SLC26A5: variants seen among roughly 807,000 people sequenced by gnomAD.
The protein encoded by SLC26A5 is prestin.
SLC26A5 carries 51 observed loss-of-function variants against 81.0 expected under a neutral mutation model. That is an observed-to-expected ratio of 0.63 (90% CI 0.50 to 0.80). The LOEUF is 0.80. Among genes scored for constraint, SLC26A5 ranks in the 30% least tolerant of loss-of-function variants. The probability of loss-of-function intolerance (pLI) is 0.00; values close to 1 mark genes in which losing one functional copy is unlikely to be tolerated. For missense variants in SLC26A5, 771 were observed against 905.8 expected (o/e 0.85, Z 1.91); for synonymous variants, 325 against 332.8 (o/e 0.98, Z 0.25).
At chr7:103,380,408 T>C (rs766009928) in intron 15 of SLC26A5, 72 bp downstream of exon 15, 15 of 1,288,938 alleles carry the variant, frequency 1.2e-5, no homozygotes, top group Non-Finnish European at 1.6e-5. Flanking sequence ...CTTTTTATCC[T>C]GGGTAAAAAC....
chr7:103,390,244 A>G (rs956879736), intron 12 of SLC26A5, among the ~76,000 whole-genome samples, 185 bp downstream of exon 12: 1 of 152,210 alleles, frequency 6.6e-6, no homozygotes, highest in African/African-American at 2.4e-5. Flanking sequence ...GGCTTTCCCC[A>G]GGTCCTGCAG....
rs1311312413 is a variant in SLC26A5 at position 103,380,558 on chromosome 7, A to T, written c.1515-9T>A. ...GGACTTTGTAGCTTGGACTGAAGAT[A>T]AAGAGTGTTAAATACCATTGTGTTG... is the stretch of plus-strand genomic sequence containing the variant. On this transcript the variant is annotated splice_polypyrimidine_tract_variant and intron_variant, in intron 14 of 19. Coordinates refer to ENST00000306312, the MANE Select transcript of SLC26A5 (RefSeq NM_198999.3). 6.2e-7 allele frequency: 1 copy of T among 1,611,540 alleles called. No individual in the cohort carries two copies. The highest frequency in any genetic ancestry group is 1.1e-5 in the South Asian group (1 of 91,020).
chr7:103,427,921 T>C (rs1825815477), intron 2 of SLC26A5, among the ~76,000 whole-genome samples: 1 of 151,692 alleles, frequency 6.6e-6, no homozygotes, highest in Admixed American at 6.6e-5. Context: ...GGTGCGATCT[T>C]GGCTCACTGC....
downstream of SLC26A5, among the ~76,000 whole-genome samples, chr7:103,372,153 G>A (rs969585487): frequency 1.8e-4 from 27 of 152,170 alleles, no homozygotes; most frequent in African/African-American, 2.4e-4. Context: ...ATCTGATCTC[G>A]TGATGATTGC....
At chr7:103,415,866 C>G (rs1824863760) in intron 4 of SLC26A5, among the ~76,000 whole-genome samples, 1 of 152,074 alleles carries the variant, frequency 6.6e-6, no homozygotes, top group Non-Finnish European at 1.5e-5. Context: ...ACTCTTTGAT[C>G]ATTTCTTCCT....
intron 3 of SLC26A5, 70 bp from the exon 4 acceptor site, chr7:103,420,947 C>A: frequency 3.3e-6 from 5 of 1,507,070 alleles, no homozygotes; most frequent in Non-Finnish European, 4.6e-6. Context: ...CAAACCAAAG[C>A]ATTTTCCCTT....
chr7:103,422,059 T>G (rs891207058), intron 2 of SLC26A5, among the ~76,000 whole-genome samples: 1 of 152,234 alleles, frequency 6.6e-6, no homozygotes, highest in Non-Finnish European at 1.5e-5. Flanking sequence ...TTGAGGCAAG[T>G]TGCTGGTGAC....
chr7:103,389,297 A>G, intron 13 of SLC26A5, 32 bp downstream of exon 13: 3 of 1,453,346 alleles, frequency 2.1e-6, no homozygotes, highest in Non-Finnish European at 2.9e-6. Context: ...GCTCTATGAC[A>G]TATTAACAGA....
chr7:103,375,697 G>A (rs12540291), intron 19 of SLC26A5, among the ~76,000 whole-genome samples: 10,106 of 152,104 alleles, frequency 0.066, 407 homozygotes, highest in Admixed American at 0.11. Context: ...GCCTCCCAAA[G>A]TGTTGGGATT....
At chr7:103,406,116 C>T (rs1182455227) in intron 8 of SLC26A5, among the ~76,000 whole-genome samples, 1 of 152,200 alleles carries the variant, frequency 6.6e-6, no homozygotes, top group African/African-American at 2.4e-5. Flanking sequence ...TTTCTGGGCT[C>T]TGCAGGGGTG....
chr7:103,424,431 T>G (rs549459534), intron 2 of SLC26A5, among the ~76,000 whole-genome samples: 1 of 152,196 alleles, frequency 6.6e-6, no homozygotes, highest in African/African-American at 2.4e-5. Context: ...GCTCAGTAAC[T>G]GGGAGGTGAA....
chr7:103,433,114 C>T (rs1426016996), intron 2 of SLC26A5, among the ~76,000 whole-genome samples: 1 of 152,032 alleles, frequency 6.6e-6, no homozygotes, highest in Non-Finnish European at 1.5e-5. Context: ...CTTTAGAGCT[C>T]CAGGCTTATC....
chr7:103,392,885 T>A, intron 10 of SLC26A5, 34 bp downstream of exon 10: 1 of 1,613,646 alleles, frequency 6.2e-7, no homozygotes, highest in South Asian at 1.1e-5. Flanking sequence ...ATTGTACTGC[T>A]ATGAAACATG....
At chr7:103,433,222 G>A (rs766887788) in intron 2 of SLC26A5, among the ~76,000 whole-genome samples, 1 of 152,016 alleles carries the variant, frequency 6.6e-6, no homozygotes, top group Non-Finnish European at 1.5e-5. Flanking sequence ...ACACTCTAGG[G>A]TCTATATTCC....
At chr7:103,364,699 C>T (rs372873973) in intron 19 of SLC26A5, among the ~76,000 whole-genome samples, 1 of 152,022 alleles carries the variant, frequency 6.6e-6, no homozygotes, top group Non-Finnish European at 1.5e-5. Context: ...AGAACCACCA[C>T]GCCCGGCCTG....
At chr7:103,429,845 G>C (rs1001628196) in intron 2 of SLC26A5, among the ~76,000 whole-genome samples, 1 of 152,220 alleles carries the variant, frequency 6.6e-6, no homozygotes, top group Non-Finnish European at 1.5e-5. Flanking sequence ...CAGGGGCCAA[G>C]GTTGCCATAG....
chr7:103,406,453 C>T (rs563695475), intron 8 of SLC26A5, among the ~76,000 whole-genome samples: 4 of 152,228 alleles, frequency 2.6e-5, no homozygotes, highest in South Asian at 2.1e-4. Flanking sequence ...TGACCCCTTG[C>T]GCTTCCTGGG....
chr7:103,366,348 A>G (rs548556511), intron 19 of SLC26A5, among the ~76,000 whole-genome samples: 1 of 152,240 alleles, frequency 6.6e-6, no homozygotes, highest in African/African-American at 2.4e-5. Flanking sequence ...GACACATTAT[A>G]TACCATTGTC....
At chr7:103,356,864 TCTC>T (rs1409490064) in intron 19 of SLC26A5, among the ~76,000 whole-genome samples, 4 of 152,192 alleles carry the variant, frequency 2.6e-5, no homozygotes, top group Admixed American at 6.5e-5. Flanking sequence ...ATAAACATAT[TCTC>T]CTCTGTTTAT....
Sources: allele counts gnomAD v4.1 joint callset (sites outside exome capture counted in the v4.1 genomes callset), GRCh38; gene constraint gnomAD v4.1.1; transcripts MANE v1.5; gene names NCBI Gene and HGNC (gene_info 2026-07-23, HGNC 2026-07-21).